SCARB1: variants seen among roughly 807,000 people sequenced by gnomAD.
SCARB1 encodes scavenger receptor class B member 1.
SCARB1 carries 30 observed loss-of-function variants against 57.2 expected under a neutral mutation model. The observed-to-expected ratio is 0.52, with a 90% CI of 0.39 to 0.71. The LOEUF (loss-of-function observed/expected upper bound fraction) is 0.71. Among genes scored for constraint, SCARB1 ranks in the 30% least tolerant of loss-of-function variants. SCARB1 has a pLI of 0.00. For synonymous variants in SCARB1, 249 were observed against 268.3 expected, an observed-to-expected ratio of 0.93 and a Z score of 0.70; for missense variants, 543 against 671.2, an observed-to-expected ratio of 0.81 and a Z score of 2.11.
rs190199325 is a variant in SCARB1, at chr12:124,782,663, C to T, written c.*20G>A. 359 of 1,612,178 alleles carry T rather than the reference C, an allele frequency of 2.2e-4. 3 individuals are homozygous for T. The African/African-American group carries it at 2.8e-3, about 12-fold the overall frequency. The stretch of plus-strand genomic sequence containing the variant: ...ATATGGGAGGGGGCGGGGAGGCGCA[C>T]GGCATTACCTGGTACCCACCTACAG... On this transcript the variant is annotated intron_variant, in intron 12 of 12. Coordinates refer to ENST00000261693, the MANE Select transcript of SCARB1 (RefSeq NM_005505.5).
Position 124,778,536 on chromosome 12 carries a change from C to T in SCARB1, c.*51G>A, listed in dbSNP as rs965345645. ...GAAGCGGGGTGTAGGGGCTGGGGGG[C>T]CGGTCAGGCCCAGCGGCCAGGCCTG... On this transcript the variant is annotated 3_prime_UTR_variant, in exon 13 of 13. Transcript: ENST00000261693. 7.3e-7 allele frequency: 1 copy of T among 1,374,666 alleles called. No individual in the cohort carries two copies. The highest frequency in any genetic ancestry group is 9.4e-7 in the Non-Finnish European group (1 of 1,062,658). 85.2% of individuals were successfully genotyped at this position (1,374,666 alleles called of 1,614,324 possible).
In SCARB1 at chr12:124,807,830, A is replaced by G. The variant is rs368735136; in HGVS notation, c.940T>C (p.Tyr314His). 1 of 1,614,166 alleles carries G rather than the reference A, an allele frequency of 6.2e-7. No homozygotes were observed. The highest frequency in any genetic ancestry group is 8.5e-7 in the Non-Finnish European group (1 of 1,180,014). ...GGGCAGAAGCCTTCGTTGGGTGGGT[A>G]GATGGACCCGTTGGCAAACAGGGTT... The part of the protein sequence containing the change: ...PKTLFANGSI[Y>H]PPNEGFCPCL... Residue 314 changes from tyrosine (Y) to histidine (H), a missense_variant, in exon 7 of 13, where the codon TAC becomes CAC. By Grantham distance (83) the Tyr-to-His change is moderately conservative. Coordinates refer to ENST00000261693, the MANE Select transcript of SCARB1 (RefSeq NM_005505.5). This position sits in a 1 kb window ranked among gnomAD's most constrained non-coding sequence, Gnocchi z 5.3.
At chr12:124,841,156 G>A (rs182028348) in intron 1 of SCARB1, among the ~76,000 whole-genome samples, 1 of 152,302 alleles carries the variant, frequency 6.6e-6, no homozygotes, top group Admixed American at 6.5e-5. Context: ...CGGATCACGA[G>A]GTCAGGAGAT....
rs1198098546 is a variant in SCARB1, at chr12:124,812,413, A to T, written c.631-448T>A. Among the ~76,000 whole-genome samples the T allele has an allele frequency of 6.6e-6, 1 of 152,192 alleles. No individual in the cohort carries two copies. The highest frequency in any genetic ancestry group is 1.5e-5 in the Non-Finnish European group (1 of 68,042). ...GCCAAGGAGGTATGTGTCAAGACAGAGCCTCCCTCAGCCTGGATCCCCAAG... is the reference window on the plus strand; with the variant it reads ...GCCAAGGAGGTATGTGTCAAGACAGTGCCTCCCTCAGCCTGGATCCCCAAG... On this transcript the variant is annotated intron_variant, in intron 4 of 12. Transcript: ENST00000261693. The surrounding 1 kb of genome is among the most constrained non-coding windows in gnomAD (Gnocchi z 4.3).
At chr12:124,849,687 G>A (rs1348719457) in intron 1 of SCARB1, among the ~76,000 whole-genome samples, 3 of 152,192 alleles carry the variant, frequency 2.0e-5, no homozygotes, top group African/African-American at 7.2e-5. Context: ...GGTTTCCAAA[G>A]GAAAAATAAA....
At chr12:124,828,954 C>G (rs910182948) in intron 1 of SCARB1, among the ~76,000 whole-genome samples, 7 of 152,202 alleles carry the variant, frequency 4.6e-5, no homozygotes, top group African/African-American at 9.6e-5. Context: ...TGACTACACT[C>G]TCAATCCCAG....
chr12:124,832,656 C>T (rs901598806), intron 1 of SCARB1, among the ~76,000 whole-genome samples: 1 of 152,160 alleles, frequency 6.6e-6, no homozygotes, highest in East Asian at 1.9e-4. Flanking sequence ...ATGTGCACCC[C>T]ATATTTATAC....
At chr12:124,856,957 T>C (rs1952659349) in intron 1 of SCARB1, among the ~76,000 whole-genome samples, 1 of 152,162 alleles carries the variant, frequency 6.6e-6, no homozygotes, top group African/African-American at 2.4e-5. Context: ...CCAGCAAAGT[T>C]TGGCGGGGTG....
Position 124,808,075 on chromosome 12 carries a change from C to T in SCARB1, c.843-148G>A, listed in dbSNP as rs971983138. ...CCGCCCCCATCTCTCACCCGCGGAG[C>T]TGCAGCGACCTCCTAACAGGCCTCT... On this transcript the variant is annotated intron_variant, in intron 6 of 12. Coordinates refer to ENST00000261693, the MANE Select transcript of SCARB1 (RefSeq NM_005505.5). 15 of 740,018 alleles carry T rather than the reference C, an allele frequency of 2.0e-5. No homozygotes were observed. The African/African-American group carries it at 2.4e-4, about 12-fold the overall frequency. The allele number at this position is 740,018 out of a possible 1,614,324, so 45.8% of individuals were successfully genotyped here.
rs553856539 is a variant in SCARB1, at chr12:124,781,435, G to A, written c.*1248C>T. Among the ~76,000 whole-genome samples the A allele has an allele frequency of 3.9e-4, 60 of 152,170 alleles. No homozygotes were observed. The South Asian group carries it at 9.2e-3, about 23-fold the overall frequency. On this transcript the variant is annotated intron_variant, in intron 12 of 12. Transcript: ENST00000261693. ...ATTATCAGAGGCACCACGGTAGAGCGACTCATCCCTGCCCAACCCCAAGTT... is the reference window on the plus strand; with the variant it reads ...ATTATCAGAGGCACCACGGTAGAGCAACTCATCCCTGCCCAACCCCAAGTT...
rs186195934 is a variant in SCARB1 at position 124,841,304 on chromosome 12, G to A, written c.126+22291C>T. ...GGAGAATGGCATGAACCAGGGAGGC[G>A]GAGCTTGCAGTGAGCGGAGATTGCG... is the stretch of plus-strand genomic sequence containing the variant. On this transcript the variant is annotated intron_variant, in intron 1 of 12. Transcript: ENST00000261693. 3.8e-3 allele frequency among the ~76,000 whole-genome samples: 576 copies of A among 151,884 alleles called. 3 individuals carry two copies. Among genetic ancestry groups the A allele is most frequent in the Non-Finnish European group, 6.3e-3 (428 of 67,920 alleles).
At chr12:124,844,643 C>T (rs1406201972) in intron 1 of SCARB1, among the ~76,000 whole-genome samples, 1 of 151,932 alleles carries the variant, frequency 6.6e-6, no homozygotes, top group Non-Finnish European at 1.5e-5. Context: ...AGAGAGTCAC[C>T]GGGGATGTGC....
At chr12:124,787,624 A>T (rs1949571226) in intron 9 of SCARB1, among the ~76,000 whole-genome samples, 167 bp from the exon 10 acceptor site, 1 of 152,244 alleles carries the variant, frequency 6.6e-6, no homozygotes, top group Non-Finnish European at 1.5e-5. Context: ...GCCATATGAC[A>T]AAACTGTCCC....
rs838883 is a variant in SCARB1, at chr12:124,777,293, T to C, written c.*1294A>G. The C allele has an allele frequency of 0.93, 140,958 of 152,224 alleles. 65,323 individuals carry two copies. Among genetic ancestry groups the C allele is most frequent in the East Asian group, 1 (5,155 of 5,178 alleles). 9.4% of individuals were successfully genotyped at this position (152,224 alleles called of 1,614,324 possible). A position where few individuals can be genotyped will look rare whatever the true frequency, so the allele number is the denominator to read the frequency against. On this transcript the variant is annotated 3_prime_UTR_variant, in exon 13 of 13. Transcript: ENST00000261693. ...CTAGAACAACACGGGGCATGTCCTA[T>C]GGGCACCAGGATTTGTAGATAAATG... is the stretch of plus-strand genomic sequence containing the variant.
intron 1 of SCARB1, among the ~76,000 whole-genome samples, chr12:124,831,385 G>T (rs533496525): frequency 1.2e-4 from 18 of 152,202 alleles, no homozygotes; most frequent in African/African-American, 4.1e-4. Flanking sequence ...CCAAAGTGCT[G>T]GGATTACAGA....
At chr12:124,806,971 G>A (rs773560879) in intron 7 of SCARB1, among the ~76,000 whole-genome samples, 1 of 152,004 alleles carries the variant, frequency 6.6e-6, no homozygotes, top group Non-Finnish European at 1.5e-5. Context: ...GGCCGAGGCA[G>A]GCAGATCACT....
intron 11 of SCARB1, chr12:124,783,175 A>T (rs909720969): frequency 3.4e-5 from 8 of 237,640 alleles, no homozygotes; most frequent in African/African-American, 1.1e-4. Context: ...CTGTTAAAAT[A>T]CTTTTGATTT....
chr12:124,790,557 C>T (rs1949688230), intron 9 of SCARB1, among the ~76,000 whole-genome samples: 1 of 152,128 alleles, frequency 6.6e-6, no homozygotes, highest in Non-Finnish European at 1.5e-5. Flanking sequence ...TTTCAGACTT[C>T]AGACTCCCAA....
chr12:124,814,495 A>C lies in SCARB1; in HGVS notation c.427-90T>G. On this transcript the variant is annotated intron_variant, in intron 3 of 12. Coordinates refer to ENST00000261693, the MANE Select transcript of SCARB1 (RefSeq NM_005505.5). This position sits in a 1 kb window ranked among gnomAD's most constrained non-coding sequence, Gnocchi z 4.7. ...AGCTGGGCCTCACAGCAAAGAGCCC[A>C]TGAAGGGAAATGCTGGGGTGCAGGA... 1 of 1,367,492 alleles carries C rather than the reference A, an allele frequency of 7.3e-7. No homozygotes were observed. The highest frequency in any genetic ancestry group is 1.2e-5 in the South Asian group (1 of 83,894). The allele number at this position is 1,367,492 out of a possible 1,614,324, so 84.7% of individuals were successfully genotyped here. A position where few individuals can be genotyped will look rare whatever the true frequency, so the allele number is the denominator to read the frequency against.
Sources: gnomAD v4.1 joint callset for allele counts (sites outside exome capture counted in the v4.1 genomes callset) on GRCh38, gnomAD v4.1.1 for gene constraint, Gnocchi (gnomAD v3.1) non-coding constraint, MANE v1.5 for transcripts, NCBI Gene and HGNC (gene_info 2026-07-23, HGNC 2026-07-21) for gene names.